The following CHD6 variants were observed in gnomAD, a reference collection of about 807,000 sequenced individuals.
CHD6 encodes chromodomain helicase DNA binding protein 6.
In CHD6, 50 loss-of-function variants were observed where a neutral mutation model predicts 276.9. The observed-to-expected ratio is 0.18, with a 90% CI of 0.14 to 0.23. CHD6 has a LOEUF of 0.23. Ranked by LOEUF, CHD6 falls within the 10% of genes least tolerant of loss-of-function variation. CHD6 has a pLI of 1.00. For synonymous variants in CHD6, 1,173 were observed against 1,229.3 expected (o/e 0.95, Z 0.96); for missense variants, 2,564 against 3,365.8 (o/e 0.76, Z 5.89).
chr20:41,420,673 G>T lies in CHD6; in HGVS notation c.5962C>A (p.Pro1988Thr), dbSNP rs773506321. 14 of 1,614,068 alleles carry T rather than the reference G, an allele frequency of 8.7e-6. No individual in the cohort carries two copies. The highest frequency in any genetic ancestry group is 1.0e-5 in the Non-Finnish European group (12 of 1,180,040). ...EGEPTAIPSQ[P>T]FKVKHELLKE... ...AAAAGCTCATGCTTCACTTTAAACG[G>T]CTGTGATGGAATAGCAGTGGGTTCA... Residue 1988 changes from proline to threonine, a missense_variant, in exon 31 of 37, where the codon CCG (proline) becomes ACG (threonine). Around this residue, in one of 7 missense-constraint regions of CHD6, gnomAD observed 1,024 missense variants for 1,047.9 expected, o/e 0.98. Coordinates refer to ENST00000373233, the MANE Select transcript of CHD6 (RefSeq NM_032221.5).
intron 16 of CHD6, among the ~76,000 whole-genome samples, chr20:41,477,388 A>G (rs1243055857): frequency 2.6e-5 from 4 of 152,180 alleles, no homozygotes; most frequent in African/African-American, 9.7e-5. Context: ...ATAGAATTTT[A>G]TGAGTCAGGG....
chr20:41,437,366 T>A (rs754776211), intron 26 of CHD6, 32 bp from the exon 27 acceptor site: 3 of 1,514,382 alleles, frequency 2.0e-6, no homozygotes, highest in South Asian at 2.3e-5. Context: ...CATCACATAC[T>A]ACCTAGGTCC....
chr20:41,436,134 T>C (rs2047702364), intron 27 of CHD6, among the ~76,000 whole-genome samples: 1 of 152,174 alleles, frequency 6.6e-6, no homozygotes, highest in African/African-American at 2.4e-5. Flanking sequence ...AAAAGACTAG[T>C]ATCTAGAATA....
chr20:41,536,442 T>C (rs2044831922), intron 2 of CHD6, among the ~76,000 whole-genome samples: 2 of 152,312 alleles, frequency 1.3e-5, no homozygotes, highest in East Asian at 1.9e-4. Flanking sequence ...ATCAGGTCAG[T>C]TGAAAAGGAG....
Position 41,533,451 on chromosome 20 carries a change from A to T in CHD6, c.153T>A (p.Val51=). ...STDQEEKIED[V]ASHCLPQKDL... ...CCTTCTGAGGCAGACAGTGACTAGC[A>T]ACATCTTCAATTTTCTCTTCTTGAT... Residue 51 remains valine (V), a synonymous_variant, in exon 3 of 37, where the codon GTT becomes GTA. Transcript: ENST00000373233. 1 of 1,614,202 alleles carries T rather than the reference A, an allele frequency of 6.2e-7. No homozygotes were observed.
intron 16 of CHD6, among the ~76,000 whole-genome samples, chr20:41,481,631 G>A (rs1402450827): frequency 6.6e-6 from 1 of 151,986 alleles, no homozygotes; most frequent in Non-Finnish European, 1.5e-5. Flanking sequence ...CTTAACTAGA[G>A]GGCATTTTGG....
intron 3 of CHD6, among the ~76,000 whole-genome samples, chr20:41,532,101 A>C (rs952016839): frequency 6.6e-6 from 1 of 152,232 alleles, no homozygotes; most frequent in African/African-American, 2.4e-5. Context: ...AATGAGAAAT[A>C]TAATATTTGC....
chr20:41,423,304 GGA>G (rs1181419640), intron 30 of CHD6, among the ~76,000 whole-genome samples, 186 bp downstream of exon 30: 18 of 152,128 alleles, frequency 1.2e-4, no homozygotes, highest in African/African-American at 4.3e-4. Context: ...CATCATTTTG[GGA>G]GAGAGATTTT....
intron 4 of CHD6, 99 bp from the exon 5 acceptor site, chr20:41,513,094 G>T: frequency 7.7e-7 from 1 of 1,290,966 alleles, no homozygotes; most frequent in South Asian, 1.3e-5. Flanking sequence ...GCCAAGGAGT[G>T]CTTTCTTGCC....
intron 2 of CHD6, among the ~76,000 whole-genome samples, chr20:41,547,174 G>T (rs1242899916): frequency 6.6e-6 from 1 of 152,160 alleles, no homozygotes; most frequent in African/African-American, 2.4e-5. Flanking sequence ...CATGGTAAAA[G>T]ACAAAGTTTG....
chr20:41,425,095 C>T (rs920617121), intron 29 of CHD6, 83 bp downstream of exon 29: 19 of 1,029,814 alleles, frequency 1.8e-5, no homozygotes, highest in Admixed American at 1.7e-4. Context: ...GAAATATACT[C>T]GCCCTCCAAG....
chr20:41,590,793 A>G (rs1321995614), intron 1 of CHD6, among the ~76,000 whole-genome samples: 1 of 151,846 alleles, frequency 6.6e-6, no homozygotes, highest in Non-Finnish European at 1.5e-5. Context: ...ATTGCGGAAG[A>G]CAGTGTGGCG....
chr20:41,436,665 A>C (rs189625935), intron 27 of CHD6, among the ~76,000 whole-genome samples: 12 of 152,352 alleles, frequency 7.9e-5, no homozygotes, highest in Non-Finnish European at 7.3e-5. Flanking sequence ...ATACCACTGA[A>C]TACTACTCAG....
chr20:41,517,927 T>C (rs1260150757), intron 3 of CHD6, among the ~76,000 whole-genome samples: 3 of 152,236 alleles, frequency 2.0e-5, no homozygotes, highest in Admixed American at 2.0e-4. Context: ...TTTTAGTAAA[T>C]GTAAAAACTT....
At position 41,473,030 on chromosome 20, in the gene CHD6, T is replaced by C; in HGVS notation, c.2664+292A>G. On this transcript the variant is annotated intron_variant, in intron 17 of 36. Coordinates refer to ENST00000373233, the MANE Select transcript of CHD6 (RefSeq NM_032221.5). This position sits in a 1 kb window ranked among gnomAD's most constrained non-coding sequence, Gnocchi z 4.1. ...CAAGAATTAGAGCATTAGTCAAGAT[T>C]AGTATCTTTATTTCTGATAATAATA... 1 of 295,368 alleles carries C rather than the reference T, an allele frequency of 3.4e-6. No individual in the cohort carries two copies. Among genetic ancestry groups the C allele is most frequent in the Non-Finnish European group, 6.3e-6 (1 of 159,310 alleles). 18.3% of individuals were successfully genotyped at this position (295,368 alleles called of 1,614,324 possible).
Position 41,484,568 on chromosome 20 carries a change from G to A in CHD6, c.2041C>T (p.Arg681Trp). 2 of 1,613,786 alleles carry A rather than the reference G, an allele frequency of 1.2e-6. No individual in the cohort carries two copies. Among genetic ancestry groups the A allele is most frequent in the Non-Finnish European group, 1.7e-6 (2 of 1,179,808 alleles). ...LQSILKPMML[R>W]RLKDDVEKNL... ...TTTTCCACATCATCTTTCAGCCGCC[G>A]AAGCATCATTGGTTTTAGGATAGAC... The change falls in exon 15 of 37, where the codon CGG becomes TGG. Residue 681 changes from arginine to tryptophan, a missense_variant. By Grantham distance (101) the Arg-to-Trp change is moderately radical. This residue lies in a region of CHD6 where 457 missense variants were observed against 889.0 expected (regional missense o/e 0.51). Coordinates refer to ENST00000373233, the MANE Select transcript of CHD6 (RefSeq NM_032221.5).
chr20:41,538,223 C>T lies in CHD6; in HGVS notation c.34-4653G>A, dbSNP rs561181289. The stretch of plus-strand genomic sequence containing the variant: ...AAAATTAGCCAGGTGGGGTGGCATG[C>T]GCCTGTAATCCCAGCTACTTGGGAG... On this transcript the variant is annotated intron_variant, in intron 2 of 36. Coordinates refer to ENST00000373233, the MANE Select transcript of CHD6 (RefSeq NM_032221.5). Among the ~76,000 whole-genome samples, 35 of 152,166 alleles carry T rather than the reference C, an allele frequency of 2.3e-4. 1 individual carries two copies. The South Asian group carries it at 2.7e-3, about 12-fold the overall frequency.
intron 6 of CHD6, 134 bp downstream of exon 6, chr20:41,499,161 C>T: frequency 1.6e-6 from 1 of 611,266 alleles, no homozygotes; most frequent in Middle Eastern, 2.9e-4. Flanking sequence ...TAAGTGTTGG[C>T]TAGCCAGACA....
At chr20:41,528,048 A>G (rs1277006098) in intron 3 of CHD6, among the ~76,000 whole-genome samples, 1 of 152,214 alleles carries the variant, frequency 6.6e-6, no homozygotes, top group African/African-American at 2.4e-5. Context: ...ATTTCTGTTC[A>G]TTATACATTA....
Sources: gnomAD v4.1 joint callset for allele counts (sites outside exome capture counted in the v4.1 genomes callset) on GRCh38, gnomAD v4.1.1 for gene constraint, gnomAD v4.1.1 regional missense constraint, Gnocchi (gnomAD v3.1) non-coding constraint, MANE v1.5 for transcripts, NCBI Gene and HGNC (gene_info 2026-07-23, HGNC 2026-07-21) for gene names.